Variants in PLXDC2 observed in about 807,000 individuals in gnomAD.
The protein encoded by PLXDC2 is plexin domain-containing protein 2.
PLXDC2 carries 40 observed loss-of-function variants against 68.9 expected under a neutral mutation model. The observed-to-expected ratio is 0.58, with a 90% confidence interval of 0.45 to 0.76. PLXDC2 has a LOEUF of 0.76. Ranked by LOEUF, PLXDC2 falls within the 30% of genes least tolerant of loss-of-function variation. The probability of loss-of-function intolerance (pLI) is 0.00; values close to 1 mark genes in which losing one functional copy is unlikely to be tolerated. For synonymous variants in PLXDC2, 243 were observed against 234.2 expected, an observed-to-expected ratio of 1.04 and a Z score of -0.34; for missense variants, 644 against 661.9, an observed-to-expected ratio of 0.97 and a Z score of 0.30.
rs1484131963 is a variant in PLXDC2, at chr10:20,284,330, T to TATATATATATATATATATACAC, written c.*4512_*4513insTATATATATATATATATACACA. The stretch of plus-strand genomic sequence containing the variant: ...AAATATACATATATATATATATATA[T>TATATATATATATATATATACAC]ACACACACACACACACACACACAAA... On this transcript the variant is annotated 3_prime_UTR_variant, in exon 14 of 14. Coordinates refer to ENST00000377252, the MANE Select transcript of PLXDC2 (RefSeq NM_032812.9). The TATATATATATATATATATACAC allele has an allele frequency of 7.8e-4, 98 of 126,320 alleles. 1 individual carries two copies. Among genetic ancestry groups the TATATATATATATATATATACAC allele is most frequent in the African/African-American group, 1.9e-3 (66 of 34,352 alleles). 7.8% of individuals were successfully genotyped at this position (126,320 alleles called of 1,614,324 possible).
chr10:19,996,646 T>C (rs1456355407), intron 1 of PLXDC2, among the ~76,000 whole-genome samples: 2 of 152,132 alleles, frequency 1.3e-5, no homozygotes, highest in African/African-American at 4.8e-5. Context: ...GATGGAAATG[T>C]GACCTGAGGC....
intron 9 of PLXDC2, among the ~76,000 whole-genome samples, chr10:20,193,878 T>C (rs1031177622): frequency 6.9e-4 from 105 of 152,134 alleles, no homozygotes; most frequent in African/African-American, 2.4e-3. Flanking sequence ...AGTAATTTGA[T>C]ATTTTGTATG....
chr10:20,192,005 G>T (rs1834773346), intron 9 of PLXDC2, among the ~76,000 whole-genome samples: 1 of 151,880 alleles, frequency 6.6e-6, no homozygotes, highest in Non-Finnish European at 1.5e-5. Flanking sequence ...TTAATTATTT[G>T]ATCTAATTCA....
chr10:19,818,449 C>T (rs946749186), intron 1 of PLXDC2, among the ~76,000 whole-genome samples: 1 of 151,962 alleles, frequency 6.6e-6, no homozygotes, highest in African/African-American at 2.4e-5. Context: ...CACAACACTT[C>T]GCCTGTCCCT....
chr10:19,989,857 C>T (rs1308028655), intron 1 of PLXDC2, among the ~76,000 whole-genome samples: 1 of 150,360 alleles, frequency 6.7e-6, no homozygotes, highest in Non-Finnish European at 1.5e-5. Context: ...TTAAGCAATT[C>T]TCCTGCCTCA....
intron 12 of PLXDC2, among the ~76,000 whole-genome samples, chr10:20,224,379 T>C (rs1466763725): frequency 2.0e-5 from 3 of 152,216 alleles, no homozygotes; most frequent in African/African-American, 4.8e-5. Context: ...TTTTGGATTT[T>C]CAAATCCTAG....
intron 3 of PLXDC2, among the ~76,000 whole-genome samples, chr10:20,054,088 C>T (rs571330264): frequency 6.6e-6 from 1 of 152,040 alleles, no homozygotes; most frequent in Admixed American, 6.6e-5. Context: ...GGGCTCAGTT[C>T]TGAATGTAGC....
Position 19,848,865 on chromosome 10 carries a change from A to AAAG in PLXDC2, c.112+31678_112+31680dup, listed in dbSNP as rs1487266090. ...AATGAACTCACTCTTCATCTCATGA[A>AAAG]AAGAAGCTTTCAGAAAAGACGATTT... On this transcript the variant is annotated intron_variant, in intron 1 of 13. Transcript: ENST00000377252. Among the ~76,000 whole-genome samples the AAAG allele has an allele frequency of 5.9e-5, 9 of 152,240 alleles. No individual in the cohort carries two copies. The East Asian group carries it at 1.7e-3, about 29-fold the overall frequency.
chr10:20,033,729 C>T (rs1484866815), intron 2 of PLXDC2, among the ~76,000 whole-genome samples: 1 of 152,136 alleles, frequency 6.6e-6, no homozygotes, highest in Non-Finnish European at 1.5e-5. Flanking sequence ...CAATTACCTC[C>T]CTCGAGTTCC....
At chr10:19,906,015 C>A (rs1017707278) in intron 1 of PLXDC2, among the ~76,000 whole-genome samples, 1 of 151,270 alleles carries the variant, frequency 6.6e-6, no homozygotes, top group Non-Finnish European at 1.5e-5. Context: ...AAAAACAACT[C>A]AAATCTCTGC....
intron 1 of PLXDC2, among the ~76,000 whole-genome samples, chr10:19,994,420 C>T (rs1834808596): frequency 1.4e-5 from 2 of 145,622 alleles, no homozygotes; most frequent in African/African-American, 5.1e-5. Flanking sequence ...CCTTGTCTTC[C>T]TAGGCTCAAG....
intron 1 of PLXDC2, among the ~76,000 whole-genome samples, chr10:19,832,915 G>A (rs1054505832): frequency 1.1e-4 from 16 of 152,138 alleles, no homozygotes; most frequent in African/African-American, 3.4e-4. Flanking sequence ...AAATTTCCTC[G>A]TTGCCATTTT....
intron 1 of PLXDC2, among the ~76,000 whole-genome samples, chr10:19,953,086 G>A (rs1430122694): frequency 1.3e-5 from 2 of 152,048 alleles, no homozygotes; most frequent in Non-Finnish European, 2.9e-5. Context: ...GGCTGGTCTC[G>A]AACTCCTGAC....
intron 9 of PLXDC2, among the ~76,000 whole-genome samples, chr10:20,187,376 C>A (rs1834699979): frequency 1.3e-5 from 2 of 151,648 alleles, no homozygotes; most frequent in African/African-American, 4.8e-5. Flanking sequence ...CAATTATACA[C>A]ATTTATAGGG....
chr10:20,227,572 T>G (rs558018461), intron 12 of PLXDC2, among the ~76,000 whole-genome samples: 7 of 152,268 alleles, frequency 4.6e-5, no homozygotes, highest in Admixed American at 2.0e-4. Context: ...TTAAGGCTGG[T>G]GAGGCTGAGA....
At position 20,008,371 on chromosome 10, in the gene PLXDC2, A is replaced by G. The variant is rs548626170; in HGVS notation, c.324+6385A>G. 1.6e-3 allele frequency among the ~76,000 whole-genome samples: 238 copies of G among 152,286 alleles called. 1 individual carries two copies. Among genetic ancestry groups the G allele is most frequent in the African/African-American group, 5.2e-3 (217 of 41,562 alleles). Reference sequence around the variant, plus strand: ...GGAGTTCAAGACCAGCCAGGCCAACATAGTGAAACCCTGCCTCTACTAAAA... The same window carrying G: ...GGAGTTCAAGACCAGCCAGGCCAACGTAGTGAAACCCTGCCTCTACTAAAA... On this transcript the variant is annotated intron_variant, in intron 2 of 13. Coordinates refer to ENST00000377252, the MANE Select transcript of PLXDC2 (RefSeq NM_032812.9).
At chr10:20,032,471 C>G (rs1193346522) in intron 2 of PLXDC2, among the ~76,000 whole-genome samples, 1 of 152,060 alleles carries the variant, frequency 6.6e-6, no homozygotes, top group Non-Finnish European at 1.5e-5. Context: ...AATAGGTTTA[C>G]TTTTCAAAAG....
At chr10:19,956,545 G>A (rs1203903174) in intron 1 of PLXDC2, among the ~76,000 whole-genome samples, 1 of 152,056 alleles carries the variant, frequency 6.6e-6, no homozygotes, top group Non-Finnish European at 1.5e-5. Context: ...GAAACCTTTG[G>A]ACTTGTGAAT....
intron 1 of PLXDC2, among the ~76,000 whole-genome samples, chr10:19,817,758 G>T (rs1360872653): frequency 6.6e-6 from 1 of 152,232 alleles, no homozygotes; most frequent in Non-Finnish European, 1.5e-5. Flanking sequence ...CGGCGCAGAG[G>T]TGGGGAGCAG....
Sources: allele counts gnomAD v4.1 joint callset (sites outside exome capture counted in the v4.1 genomes callset), GRCh38; gene constraint gnomAD v4.1.1; transcripts MANE v1.5; gene names NCBI Gene and HGNC (gene_info 2026-07-23, HGNC 2026-07-21).